EPM2A: variants seen among roughly 807,000 people sequenced by gnomAD.
EPM2A encodes the protein EPM2A glucan phosphatase, laforin.
Under a neutral mutation model 26.5 loss-of-function variants are expected in EPM2A, and 21 were observed. That is an observed-to-expected ratio of 0.79 (90% CI 0.56 to 1.14). EPM2A has a LOEUF of 1.14. EPM2A is among the 50% of genes most tolerant of loss of function. EPM2A has a pLI of 0.00. For missense variants in EPM2A, 458 were observed against 440.8 expected (o/e 1.04, Z -0.35); for synonymous variants, 217 against 177.6 (o/e 1.22, Z -1.76).
chr6:145,417,451 C>T (rs181491482), intron 4 of EPM2A, among the ~76,000 whole-genome samples: 4 of 152,254 alleles, frequency 2.6e-5, no homozygotes, highest in African/African-American at 9.6e-5. Context: ...TTGAGTTCGT[C>T]AGGCTCAGGG....
chr6:145,699,216 T>C (rs752251301), intron 1 of EPM2A, among the ~76,000 whole-genome samples: 19 of 152,190 alleles, frequency 1.2e-4, no homozygotes, highest in Non-Finnish European at 2.6e-4. Flanking sequence ...GTTGATTAGA[T>C]AAAAGTTATA....
intron 2 of EPM2A, among the ~76,000 whole-genome samples, chr6:145,565,068 T>C (rs1161272473): frequency 6.6e-6 from 1 of 152,190 alleles, no homozygotes; most frequent in Non-Finnish European, 1.5e-5. Flanking sequence ...CTCTTCTTCC[T>C]TCTCTGTCTC....
chr6:145,693,726 C>T (rs1270923250), intron 1 of EPM2A, among the ~76,000 whole-genome samples: 5 of 151,904 alleles, frequency 3.3e-5, no homozygotes, highest in African/African-American at 9.7e-5. Context: ...AAAAAGTAAA[C>T]ATATAAATCG....
At chr6:145,698,804 A>G (rs1329916353) in intron 1 of EPM2A, among the ~76,000 whole-genome samples, 1 of 152,138 alleles carries the variant, frequency 6.6e-6, no homozygotes, top group East Asian at 1.9e-4. Flanking sequence ...AAGATCACAG[A>G]GTGAAGTCCT....
chr6:145,504,190 A>G (rs1779936483), intron 2 of EPM2A, among the ~76,000 whole-genome samples: 1 of 134,158 alleles, frequency 7.5e-6, no homozygotes, highest in Non-Finnish European at 1.6e-5. Flanking sequence ...GTGGGCAAGG[A>G]CTTCATGTCC....
At chr6:145,666,438 T>C (rs1454547243) in intron 2 of EPM2A, among the ~76,000 whole-genome samples, 1 of 85,864 alleles carries the variant, frequency 1.2e-5, no homozygotes, top group Admixed American at 1.3e-4. Context: ...ATAAAATACC[T>C]AGGAATCCAA....
intron 2 of EPM2A, among the ~76,000 whole-genome samples, chr6:145,519,062 T>C (rs928934068): frequency 1.6e-4 from 24 of 152,242 alleles, no homozygotes; most frequent in African/African-American, 5.3e-4. Context: ...GAATGCTAAT[T>C]TTCCTTTTAA....
intron 4 of EPM2A, among the ~76,000 whole-genome samples, chr6:145,417,021 G>A (rs1377895520): frequency 2.0e-5 from 3 of 152,154 alleles, no homozygotes; most frequent in Non-Finnish European, 4.4e-5. Context: ...TTCCCCTAAT[G>A]GCTGAAATCT....
intron 2 of EPM2A, among the ~76,000 whole-genome samples, chr6:145,508,465 C>T (rs1780009257): frequency 6.6e-6 from 1 of 152,152 alleles, no homozygotes; most frequent in Admixed American, 6.5e-5. Flanking sequence ...TATCTGCAAC[C>T]AAGGAGCCCT....
intron 1 of EPM2A, among the ~76,000 whole-genome samples, chr6:145,689,989 TG>T (rs1379594161): frequency 6.6e-6 from 1 of 152,078 alleles, no homozygotes; most frequent in Non-Finnish European, 1.5e-5. Context: ...CGACCATCAG[TG>T]GATGCCATGT....
intron 4 of EPM2A, among the ~76,000 whole-genome samples, chr6:145,411,658 A>G (rs1778644399): frequency 6.6e-6 from 1 of 152,214 alleles, no homozygotes; most frequent in Admixed American, 6.5e-5. Flanking sequence ...CATAAACAAA[A>G]GTACAATGAT....
chr6:145,487,373 G>C (rs1435752823), intron 4 of EPM2A, among the ~76,000 whole-genome samples: 1 of 152,178 alleles, frequency 6.6e-6, no homozygotes, highest in Non-Finnish European at 1.5e-5. Flanking sequence ...TGGGATTGCT[G>C]AGTAGAATGG....
intron 4 of EPM2A, among the ~76,000 whole-genome samples, chr6:145,395,214 C>T (rs1778388971): frequency 6.6e-6 from 1 of 152,150 alleles, no homozygotes; most frequent in Non-Finnish European, 1.5e-5. Context: ...GGCACAACCT[C>T]TATATGCTTT....
intron 2 of EPM2A, among the ~76,000 whole-genome samples, chr6:145,604,841 C>G (rs972036822): frequency 1.3e-5 from 2 of 152,046 alleles, no homozygotes; most frequent in African/African-American, 4.8e-5. Context: ...GTCCCTTAGT[C>G]AACAATATAA....
intron 2 of EPM2A, among the ~76,000 whole-genome samples, chr6:145,654,035 A>C (rs1019506812): frequency 6.6e-6 from 1 of 152,166 alleles, no homozygotes; most frequent in Non-Finnish European, 1.5e-5. Flanking sequence ...TTAATGCCTT[A>C]TCATTTTAAG....
chr6:145,554,415 A>AGATAGAT (rs1398087422), intron 2 of EPM2A, among the ~76,000 whole-genome samples: 1 of 144,572 alleles, frequency 6.9e-6, no homozygotes, highest in Non-Finnish European at 1.5e-5. Context: ...ATAGAGAGAT[A>AGATAGAT]GATAGATGAT....
intron 2 of EPM2A, among the ~76,000 whole-genome samples, chr6:145,504,966 A>G (rs934431569): frequency 1.1e-5 from 1 of 91,290 alleles, no homozygotes; most frequent in Non-Finnish European, 2.2e-5. Context: ...GAAATTGGAA[A>G]CCATCATTCT....
In EPM2A at chr6:145,555,314, C is replaced by G. The variant is rs1780714524; in HGVS notation, c.341-52739G>C. Among the ~76,000 whole-genome samples, 5 of 152,160 alleles carry G rather than the reference C, an allele frequency of 3.3e-5. No individual in the cohort carries two copies. The South Asian group carries it at 1.0e-3, about 32-fold the overall frequency. ...AGAGGTCTCAGCCATGCACAGACTTCCCCTCCTCCCAGCCTTTGTGCATAT... is the reference window on the plus strand; with the variant it reads ...AGAGGTCTCAGCCATGCACAGACTTGCCCTCCTCCCAGCCTTTGTGCATAT... On this transcript the variant is annotated intron_variant, in intron 2 of 3. Transcript: ENST00000450221.
At chr6:145,570,288 T>C (rs979568667) in intron 2 of EPM2A, among the ~76,000 whole-genome samples, 1 of 152,046 alleles carries the variant, frequency 6.6e-6, no homozygotes, top group Admixed American at 6.6e-5. Flanking sequence ...CCCATATACA[T>C]CTCCTGAGAT....
Sources: gnomAD v4.1 joint callset for allele counts (sites outside exome capture counted in the v4.1 genomes callset) on GRCh38, gnomAD v4.1.1 for gene constraint, MANE v1.5 for transcripts, NCBI Gene and HGNC (gene_info 2026-07-23, HGNC 2026-07-21) for gene names.